The following GLIS2 variants were observed in gnomAD, a reference collection of about 807,000 sequenced individuals.
The protein encoded by GLIS2 is GLIS family zinc finger 2, also known as zinc finger protein GLIS2.
A neutral mutation model predicts 35.6 loss-of-function variants in GLIS2; 14 were observed. The observed-to-expected ratio is 0.39, with a 90% CI of 0.26 to 0.61. The LOEUF (loss-of-function observed/expected upper bound fraction) is 0.61, where lower values mean the gene tolerates loss of function less well. Among genes scored for constraint, GLIS2 ranks in the 20% least tolerant of loss-of-function variants. The pLI is 0.48. For missense variants in GLIS2, 675 were observed against 713.4 expected (o/e 0.95, Z 0.61); for synonymous variants, 368 against 325.1 (o/e 1.13, Z -1.42).
chr16:4,338,475 A>G lies in GLIS2; in HGVS notation c.*951A>G. 1 of 152,642 alleles carries G rather than the reference A, an allele frequency of 6.6e-6. No homozygotes were observed. Among genetic ancestry groups the G allele is most frequent in the Non-Finnish European group, 1.5e-5 (1 of 68,448 alleles). 9.5% of individuals were successfully genotyped at this position (152,642 alleles called of 1,614,324 possible). On this transcript the variant is annotated 3_prime_UTR_variant, in exon 7 of 7. Transcript: ENST00000433375. ...CCTTGGTCCTGTAACAGGAAGGGGG[A>G]GGCTGGCTGGGGACGACCGACCACA...
At chr16:4,326,585 C>T (rs2053432441) in intron 1 of GLIS2, 1 of 152,172 alleles carries the variant, frequency 6.6e-6, no homozygotes, top group Non-Finnish European at 1.5e-5. Flanking sequence ...GCCAGCCACC[C>T]TCCCCCAAGC....
chr16:4,336,636 C>T (rs1199309733), intron 6 of GLIS2, 89 bp from the exon 7 acceptor site: 10 of 1,330,262 alleles, frequency 7.5e-6, no homozygotes, highest in Admixed American at 2.0e-5. Flanking sequence ...CCAGGGAGTG[C>T]TTGGCCCGGG....
At chr16:4,334,755 G>T in intron 3 of GLIS2, 46 bp from the exon 4 acceptor site, 1 of 1,609,798 alleles carries the variant, frequency 6.2e-7, no homozygotes, top group Non-Finnish European at 8.5e-7. Context: ...GGGACGGGGG[G>T]CTCTGGGCCA....
At chr16:4,321,709 C>A (rs905464725) in intron 1 of GLIS2, among the ~76,000 whole-genome samples, 1 of 152,004 alleles carries the variant, frequency 6.6e-6, no homozygotes, top group Non-Finnish European at 1.5e-5. Flanking sequence ...GCTGGTGAGG[C>A]CTTCTCTTCA....
In GLIS2 at chr16:4,322,696, C is replaced by T. The variant is rs560489223; in HGVS notation, c.-67+6442C>T. ...AAGGTCCGGTTCGATCTAGCAGGGC[C>T]TGGCGTTGGAATGCATGAATGCGTG... On this transcript the variant is annotated intron_variant, in intron 1 of 6. Coordinates refer to ENST00000433375, the MANE Select transcript of GLIS2 (RefSeq NM_032575.3). Among the ~76,000 whole-genome samples the T allele has an allele frequency of 5.9e-5, 9 of 152,046 alleles. No homozygotes were observed. In the South Asian group the frequency reaches 1.9e-3, roughly 32 times the overall value.
In GLIS2 at chr16:4,332,469, G is replaced by A. The variant is rs1482127299; in HGVS notation, c.172+17G>A. The stretch of plus-strand genomic sequence containing the variant: ...CGCCCTCAGGTACTGGCCCTGGGCA[G>A]GGCAGGGGGACTTAGCCCTGATCCA... On this transcript the variant is annotated intron_variant, in intron 2 of 6. Coordinates refer to ENST00000433375, the MANE Select transcript of GLIS2 (RefSeq NM_032575.3). This position sits in a 1 kb window ranked among gnomAD's most constrained non-coding sequence, Gnocchi z 5.4. 1 of 1,608,848 alleles carries A rather than the reference G, an allele frequency of 6.2e-7. No homozygotes were observed. Among genetic ancestry groups the A allele is most frequent in the Non-Finnish European group, 8.5e-7 (1 of 1,179,600 alleles).
intron 3 of GLIS2, 138 bp downstream of exon 3, chr16:4,333,657 AG>A: frequency 9.6e-7 from 1 of 1,039,912 alleles, no homozygotes; most frequent in Non-Finnish European, 1.4e-6. Context: ...TCTACCTGGA[AG>A]GCTCTAGGGG....
intron 1 of GLIS2, among the ~76,000 whole-genome samples, chr16:4,317,230 C>A (rs1052494907): frequency 6.6e-6 from 1 of 152,188 alleles, no homozygotes; most frequent in African/African-American, 2.4e-5. Context: ...GCCATCACAG[C>A]CCAGGATCTT....
At chr16:4,330,486 A>G (rs1466201040) in intron 1 of GLIS2, among the ~76,000 whole-genome samples, 1 of 151,950 alleles carries the variant, frequency 6.6e-6, no homozygotes, top group Non-Finnish European at 1.5e-5. Flanking sequence ...CCTGGTGGCG[A>G]CCCAGCGCCC....
chr16:4,323,831 G>A (rs1048146213), intron 1 of GLIS2, among the ~76,000 whole-genome samples: 2 of 152,232 alleles, frequency 1.3e-5, no homozygotes, highest in Admixed American at 1.3e-4. Flanking sequence ...CTTTATGGCA[G>A]GCATGAGGAC....
rs745421196 is a variant in GLIS2 at position 4,337,221 on chromosome 16, C to T, written c.1272C>T (p.Gly424=). Residue 424 remains glycine (G), a synonymous_variant, in exon 7 of 7, where the codon GGC becomes GGT. Coordinates refer to ENST00000433375, the MANE Select transcript of GLIS2 (RefSeq NM_032575.3). ...NPLLPSPFGA[G]GLGLPVVSLL... ...TGCTGCCCTCGCCCTTTGGGGCTGGCGGACTGGGCTTGCCTGTGGTCTCCC... is the reference window on the plus strand; with the variant it reads ...TGCTGCCCTCGCCCTTTGGGGCTGGTGGACTGGGCTTGCCTGTGGTCTCCC... The T allele has an allele frequency of 1.1e-5, 17 of 1,547,392 alleles. No homozygotes were observed. The highest frequency in any genetic ancestry group is 5.9e-5 in the South Asian group (5 of 84,086).
chr16:4,316,171 T>G lies in GLIS2; in HGVS notation c.-150T>G, dbSNP rs1462309330. ...GGCCTCGCGCCCCGGCCCCCGCCCG[T>G]CCCGGCCCCTCCCCCGCTCGGCTCC... On this transcript the variant is annotated 5_prime_UTR_variant, in exon 1 of 7. Coordinates refer to ENST00000433375, the MANE Select transcript of GLIS2 (RefSeq NM_032575.3). Among the ~76,000 whole-genome samples, 1 of 136,486 alleles carries G rather than the reference T, an allele frequency of 7.3e-6. No homozygotes were observed. Among genetic ancestry groups the G allele is most frequent in the Non-Finnish European group, 1.6e-5 (1 of 62,264 alleles). The allele number at this position is 136,486 out of a possible 152,430, so 89.5% of individuals were successfully genotyped here.
At chr16:4,333,122 C>T (rs2053515015) in intron 2 of GLIS2, among the ~76,000 whole-genome samples, 2 of 152,166 alleles carry the variant, frequency 1.3e-5, no homozygotes, top group Non-Finnish European at 1.5e-5. Context: ...GGGCACTTCC[C>T]CCCTCCCCGG....
At position 4,337,287 on chromosome 16, in the gene GLIS2, G is replaced by T. The variant is rs756868579; in HGVS notation, c.1338G>T (p.Lys446Asn). Reference protein sequence around the residue: ...GAAGGKAEGEKGRGSVPTRAL... With the variant: ...GAAGGKAEGENGRGSVPTRAL... The stretch of plus-strand genomic sequence containing the variant: ...CTGGTGGCAAGGCCGAGGGGGAGAA[G>T]GGGCGTGGGTCGGTGCCCACCAGGG... The change falls in exon 7 of 7, where the codon AAG becomes AAT. Residue 446 changes from lysine to asparagine, a missense_variant. This residue lies in a region of GLIS2 where 317 missense variants were observed against 283.2 expected (regional missense o/e 1.12). Coordinates refer to ENST00000433375, the MANE Select transcript of GLIS2 (RefSeq NM_032575.3). The T allele has an allele frequency of 4.5e-6, 7 of 1,553,234 alleles. No homozygotes were observed. In the East Asian group the frequency reaches 1.7e-4, roughly 38 times the overall value.
chr16:4,336,250 G>A (rs1388299188), intron 6 of GLIS2: 3 of 282,382 alleles, frequency 1.1e-5, no homozygotes, highest in Middle Eastern at 1.3e-3. Flanking sequence ...AGGTTCAAGT[G>A]ATTCTCCTGC....
intron 1 of GLIS2, among the ~76,000 whole-genome samples, chr16:4,330,452 C>G (rs2053486395): frequency 6.6e-6 from 1 of 152,244 alleles, no homozygotes; most frequent in African/African-American, 2.4e-5. Flanking sequence ...GCTGGCCAGG[C>G]CAGGCCACAA....
At chr16:4,321,136 C>A (rs1281724747) in intron 1 of GLIS2, among the ~76,000 whole-genome samples, 2 of 152,166 alleles carry the variant, frequency 1.3e-5, no homozygotes, top group Non-Finnish European at 2.9e-5. Flanking sequence ...TGCTCTTGCC[C>A]AGCTATCTGG....
intron 1 of GLIS2, among the ~76,000 whole-genome samples, 28 bp downstream of exon 1, chr16:4,316,282 T>A (rs1185823074): frequency 4.4e-5 from 2 of 45,886 alleles, no homozygotes; most frequent in African/African-American, 1.6e-4. Context: ...CGTCGCGCCG[T>A]GGGGACCGGG....
In GLIS2 at chr16:4,337,455, G is replaced by T. The variant is rs1482310081; in HGVS notation, c.1506G>T (p.Glu502Asp). 1 of 1,578,290 alleles carries T rather than the reference G, an allele frequency of 6.3e-7. No individual in the cohort carries two copies. Among genetic ancestry groups the T allele is most frequent in the Non-Finnish European group, 8.6e-7 (1 of 1,165,216 alleles). Reference protein sequence around the residue: ...TGVNSAASSPEALAPGWVVIP... With the variant: ...TGVNSAASSPDALAPGWVVIP... ...TCAACTCAGCTGCCAGCAGCCCAGA[G>T]GCGTTGGCCCCTGGCTGGGTGGTCA... The change falls in exon 7 of 7, where the codon GAG (glutamate) becomes GAT (aspartate). Residue 502 changes from glutamate (E) to aspartate (D), a missense_variant. Coordinates refer to ENST00000433375, the MANE Select transcript of GLIS2 (RefSeq NM_032575.3).
Sources: allele counts gnomAD v4.1 joint callset (sites outside exome capture counted in the v4.1 genomes callset), GRCh38; gene constraint gnomAD v4.1.1; regional missense constraint gnomAD v4.1.1; non-coding constraint Gnocchi (gnomAD v3.1); transcripts MANE v1.5; gene names NCBI Gene and HGNC (gene_info 2026-07-23, HGNC 2026-07-21).